Variants in SUGCT observed in about 807,000 individuals in gnomAD.
SUGCT encodes the protein succinyl-CoA:glutarate CoA-transferase.
In SUGCT, 41 loss-of-function variants were observed where a neutral mutation model predicts 55.0. The observed-to-expected ratio is 0.74, with a 90% CI of 0.58 to 0.97. The LOEUF (loss-of-function observed/expected upper bound fraction) is 0.97. Among genes scored for constraint, SUGCT ranks in the 50% least tolerant of loss-of-function variants. The pLI, the probability that SUGCT is intolerant of heterozygous loss-of-function variation, is 0.00. For synonymous variants in SUGCT, 187 were observed against 200.4 expected, an observed-to-expected ratio of 0.93 and a Z score of 0.56; for missense variants, 568 against 547.8, an observed-to-expected ratio of 1.04 and a Z score of -0.37.
chr7:41,034,862 A>G, the SUGCT span, among the ~76,000 whole-genome samples: 1 of 152,122 alleles, frequency 6.6e-6, no homozygotes, highest in Non-Finnish European at 1.5e-5. Flanking sequence ...TGATGGGGGT[A>G]TCACTTAATA....
chr7:40,366,915 G>T (rs1039904185), intron 9 of SUGCT, among the ~76,000 whole-genome samples: 6 of 152,142 alleles, frequency 3.9e-5, no homozygotes, highest in Admixed American at 2.0e-4. Context: ...CCATTACTGG[G>T]TATATACCCG....
chr7:40,968,899 C>G, the SUGCT span, among the ~76,000 whole-genome samples: 1 of 152,164 alleles, frequency 6.6e-6, no homozygotes, highest in Middle Eastern at 3.2e-3. Context: ...TCCTCACAAG[C>G]ACCTGTGGTG....
At position 40,769,779 on chromosome 7, in the gene SUGCT, A is replaced by G. The variant is rs1216193782; in HGVS notation, c.1153+20282A>G. 5.3e-5 allele frequency among the ~76,000 whole-genome samples: 8 copies of G among 152,330 alleles called. No homozygotes were observed. In the East Asian group the frequency reaches 1.4e-3, roughly 26 times the overall value. ...ACCAACTTTGTGACGATTTGTAACAATGGCCACAGGAAATGAATACACCTG... is the reference window on the plus strand; with the variant it reads ...ACCAACTTTGTGACGATTTGTAACAGTGGCCACAGGAAATGAATACACCTG... On this transcript the variant is annotated intron_variant, in intron 13 of 13. Coordinates refer to ENST00000335693, the MANE Select transcript of SUGCT (RefSeq NM_001193313.2).
chr7:40,845,930 T>C (rs915665405), intron 13 of SUGCT, among the ~76,000 whole-genome samples: 26 of 152,184 alleles, frequency 1.7e-4, no homozygotes, highest in African/African-American at 6.3e-4. Context: ...ACTAGTATCA[T>C]CAAGTTTACA....
chr7:40,600,278 A>G (rs1798228534), intron 12 of SUGCT, among the ~76,000 whole-genome samples: 1 of 152,288 alleles, frequency 6.6e-6, no homozygotes, highest in Middle Eastern at 3.4e-3. Flanking sequence ...CTCAAGCTGG[A>G]TTTCTGTGCA....
chr7:40,890,270 TATAA>T, the SUGCT span, among the ~76,000 whole-genome samples: 1 of 143,778 alleles, frequency 7.0e-6, no homozygotes, highest in Non-Finnish European at 1.5e-5. Flanking sequence ...TATTATATAA[TATAA>T]ATTAAATATT....
intron 12 of SUGCT, among the ~76,000 whole-genome samples, chr7:40,683,013 G>T (rs1055638371): frequency 3.5e-4 from 53 of 151,978 alleles, no homozygotes; most frequent in African/African-American, 1.3e-3. Flanking sequence ...TAGTGAAATA[G>T]GATTCCTTTG....
intron 12 of SUGCT, among the ~76,000 whole-genome samples, chr7:40,590,210 G>A (rs555029842): frequency 6.6e-6 from 1 of 152,228 alleles, no homozygotes; most frequent in African/African-American, 2.4e-5. Context: ...GTGATCAGCT[G>A]TTCCCCATCT....
intron 12 of SUGCT, among the ~76,000 whole-genome samples, chr7:40,647,776 A>C (rs78607510): frequency 0.038 from 5,708 of 151,930 alleles, 318 homozygotes; most frequent in African/African-American, 0.12. Flanking sequence ...GCTTGAGCCC[A>C]GGAAGTGGAG....
At chr7:40,670,504 T>G (rs751978740) in intron 12 of SUGCT, among the ~76,000 whole-genome samples, 3 of 152,204 alleles carry the variant, frequency 2.0e-5, no homozygotes, top group Admixed American at 6.5e-5. Context: ...AAAAGGATAA[T>G]AAAGATATAC....
At chr7:40,430,746 T>C (rs1160408481) in intron 9 of SUGCT, among the ~76,000 whole-genome samples, 3 of 152,176 alleles carry the variant, frequency 2.0e-5, no homozygotes, top group Non-Finnish European at 4.4e-5. Flanking sequence ...TGTTCTCTTC[T>C]AGGAGTTTTA....
Position 40,537,016 on chromosome 7 carries a change from T to C in SUGCT, c.1089+40630T>C, listed in dbSNP as rs1794399491. Reference sequence around the variant, plus strand: ...TTAGTGACAAAGATCCAAAGTAAATTAAAGAGGGAAAAAATAATTGAAATT... The same window carrying C: ...TTAGTGACAAAGATCCAAAGTAAATCAAAGAGGGAAAAAATAATTGAAATT... On this transcript the variant is annotated intron_variant, in intron 12 of 13. Coordinates refer to ENST00000335693, the MANE Select transcript of SUGCT (RefSeq NM_001193313.2). Among the ~76,000 whole-genome samples the C allele has an allele frequency of 2.0e-5, 3 of 152,254 alleles. 1 individual carries two copies. Among genetic ancestry groups the C allele is most frequent in the South Asian group, 4.1e-4 (2 of 4,824 alleles).
intron 11 of SUGCT, among the ~76,000 whole-genome samples, chr7:40,491,655 G>A (rs1459418156): frequency 7.3e-6 from 1 of 136,564 alleles, no homozygotes; most frequent in East Asian, 1.9e-4. Context: ...AGTACTGGGA[G>A]TGTCAAAAAA....
intron 8 of SUGCT, among the ~76,000 whole-genome samples, chr7:40,275,376 T>A (rs560546749): frequency 6.6e-6 from 1 of 152,260 alleles, no homozygotes; most frequent in South Asian, 2.1e-4. Context: ...GTACTTAGGA[T>A]TACAAAGGAA....
chr7:40,850,379 G>A (rs1200863248), intron 13 of SUGCT, among the ~76,000 whole-genome samples: 1 of 152,186 alleles, frequency 6.6e-6, no homozygotes, highest in East Asian at 1.9e-4. Flanking sequence ...TAAGGACTGA[G>A]CAAAATGAAT....
intron 1 of SUGCT, among the ~76,000 whole-genome samples, chr7:40,145,314 C>T (rs1788186530): frequency 1.3e-5 from 2 of 152,164 alleles, no homozygotes; most frequent in African/African-American, 2.4e-5. Context: ...GGCCTAATTA[C>T]TTGTACATTA....
At chr7:41,012,140 G>A in the SUGCT span, among the ~76,000 whole-genome samples, 5 of 152,008 alleles carry the variant, frequency 3.3e-5, no homozygotes, top group South Asian at 2.1e-4. Context: ...GAAATTTCCC[G>A]GAACCAGCCT....
chr7:40,502,046 T>C (rs1450449637), intron 12 of SUGCT, among the ~76,000 whole-genome samples: 1 of 152,130 alleles, frequency 6.6e-6, no homozygotes, highest in African/African-American at 2.4e-5. Flanking sequence ...ATGGAGGGTT[T>C]CAGCTTTTAC....
chr7:40,953,374 C>T, the SUGCT span, among the ~76,000 whole-genome samples: 133,981 of 152,180 alleles, frequency 0.88, 59,109 homozygotes, highest in African/African-American at 0.93. Context: ...TCAAGGTTTT[C>T]AACTTCTTTG....
Sources: gnomAD v4.1 joint callset for allele counts (sites outside exome capture counted in the v4.1 genomes callset) on GRCh38, gnomAD v4.1.1 for gene constraint, MANE v1.5 for transcripts, NCBI Gene and HGNC (gene_info 2026-07-23, HGNC 2026-07-21) for gene names.